The following PTP4A1 variants were observed in gnomAD, a reference collection of about 807,000 sequenced individuals.
The protein encoded by PTP4A1 is protein tyrosine phosphatase 4A1, also known as protein tyrosine phosphatase type IVA 1.
In PTP4A1, 9 loss-of-function variants were observed where a neutral mutation model predicts 20.5. The ratio of observed to expected loss-of-function variants is 0.44; its 90% CI spans 0.26 to 0.77. The LOEUF (loss-of-function observed/expected upper bound fraction) is 0.77, where lower values mean the gene tolerates loss of function less well. PTP4A1 is among the 30% of genes least tolerant of loss of function. PTP4A1 has a pLI of 0.19. For synonymous variants in PTP4A1, 78 were observed against 67.4 expected (o/e 1.16, Z -0.77); for missense variants, 137 against 218.8 (o/e 0.63, Z 2.36).
chr6:63,516,620 C>T, the PTP4A1 span, among the ~76,000 whole-genome samples: 3 of 152,168 alleles, frequency 2.0e-5, no homozygotes, highest in Non-Finnish European at 2.9e-5. Context: ...TCTCTTAATA[C>T]TCATTCTTCT....
chr6:63,559,752 G>GA (rs200540179), intron 3 of PTP4A1, among the ~76,000 whole-genome samples: 327 of 147,428 alleles, frequency 2.2e-3, no homozygotes, highest in Middle Eastern at 0.01. Flanking sequence ...CTCAAAAGAG[G>GA]AAAAAAAAAA....
At chr6:63,568,823 A>G (rs185841010), upstream of PTP4A1, among the ~76,000 whole-genome samples, 350 of 152,328 alleles carry the variant, frequency 2.3e-3, no homozygotes, top group Non-Finnish European at 3.3e-3. Context: ...CAGCCATGGC[A>G]TACTTGAATT....
intron 3 of PTP4A1, among the ~76,000 whole-genome samples, chr6:63,558,166 G>A (rs559766732): frequency 3.3e-4 from 50 of 152,158 alleles, no homozygotes; most frequent in Middle Eastern, 3.4e-3. Context: ...CACCGTGCCC[G>A]GCCACATATG....
chr6:63,525,462 C>G (rs754639136), intron 1 of PTP4A1, among the ~76,000 whole-genome samples: 4 of 152,222 alleles, frequency 2.6e-5, no homozygotes, highest in African/African-American at 9.6e-5. Flanking sequence ...TTCACGCCAG[C>G]AGTTCTAGCT....
At chr6:63,554,602 A>G (rs1034908445) in intron 3 of PTP4A1, among the ~76,000 whole-genome samples, 1 of 152,220 alleles carries the variant, frequency 6.6e-6, no homozygotes, top group Non-Finnish European at 1.5e-5. Context: ...GTTCAAGACC[A>G]GCCTGGCCAA....
At chr6:63,544,744 C>T (rs532110472) in intron 2 of PTP4A1, among the ~76,000 whole-genome samples, 4 of 152,224 alleles carry the variant, frequency 2.6e-5, no homozygotes, top group Non-Finnish European at 4.4e-5. Context: ...TCAGGATACA[C>T]GTTTGGCAGG....
intron 3 of PTP4A1, among the ~76,000 whole-genome samples, chr6:63,555,910 C>T (rs1403640266): frequency 1.3e-5 from 2 of 151,788 alleles, no homozygotes; most frequent in African/African-American, 2.4e-5. Flanking sequence ...GCCAGGCTGG[C>T]GAACTCCTGG....
At chr6:63,517,168 A>G (rs537806905), upstream of PTP4A1, among the ~76,000 whole-genome samples, 50 of 152,300 alleles carry the variant, frequency 3.3e-4, no homozygotes, top group South Asian at 1.2e-3. Context: ...TTAAACAAGG[A>G]TAATATTATG....
intron 1 of PTP4A1, among the ~76,000 whole-genome samples, chr6:63,573,002 C>T (rs891836098): frequency 1.4e-4 from 22 of 152,108 alleles, no homozygotes; most frequent in Non-Finnish European, 3.1e-4. Context: ...ACGGGGGCGG[C>T]GCGGTCCGGC....
chr6:63,547,819 G>T (rs1443742912), intron 2 of PTP4A1, among the ~76,000 whole-genome samples: 1 of 151,922 alleles, frequency 6.6e-6, no homozygotes. Context: ...CCCAGGGGGG[G>T]ATTTGTTAAT....
Position 63,523,840 on chromosome 6 carries a change from G to A in PTP4A1, c.-906+2014G>A, listed in dbSNP as rs142534172. On this transcript the variant is annotated intron_variant, in intron 1 of 3. Coordinates refer to the PTP4A1 transcript ENST00000639568. ...AGAAGCCAAAAGATTGGACACCCCT[G>A]GCCTATAGCACTCTGTGTCTGAATT... Among the ~76,000 whole-genome samples, 71 of 152,066 alleles carry A rather than the reference G, an allele frequency of 4.7e-4. No individual in the cohort carries two copies. The Middle Eastern group carries it at 0.01, about 22-fold the overall frequency.
intron 3 of PTP4A1, among the ~76,000 whole-genome samples, chr6:63,561,044 A>G (rs772009096): frequency 3.3e-5 from 5 of 152,240 alleles, no homozygotes; most frequent in Non-Finnish European, 5.9e-5. Flanking sequence ...TTACAGGATC[A>G]GAACACGTAG....
At chr6:63,572,826 G>T in intron 1 of PTP4A1, 107 bp downstream of exon 1, 1 of 396,042 alleles carries the variant, frequency 2.5e-6, no homozygotes, top group South Asian at 1.3e-4. Flanking sequence ...AGGTTGCCCC[G>T]GGTTGCGGTT....
intron 2 of PTP4A1, among the ~76,000 whole-genome samples, chr6:63,541,198 C>T (rs771604294): frequency 2.0e-5 from 3 of 152,144 alleles, no homozygotes; most frequent in Non-Finnish European, 4.4e-5. Context: ...AGCAGGTTTT[C>T]TTCTTCCATT....
intron 2 of PTP4A1, among the ~76,000 whole-genome samples, chr6:63,530,589 G>A (rs1775410244): frequency 6.6e-6 from 1 of 152,100 alleles, no homozygotes; most frequent in South Asian, 2.1e-4. Context: ...GAACATGGAG[G>A]CCCTTCTGTG....
intron 2 of PTP4A1, among the ~76,000 whole-genome samples, chr6:63,537,251 C>T (rs1012314946): frequency 6.6e-6 from 1 of 152,100 alleles, no homozygotes; most frequent in Non-Finnish European, 1.5e-5. Context: ...CATCAACGTC[C>T]CCTGGGAATT....
intron 3 of PTP4A1, chr6:63,550,628 G>C (rs1163863608): frequency 6.6e-6 from 1 of 152,334 alleles, no homozygotes; most frequent in Non-Finnish European, 1.5e-5. Flanking sequence ...TGGTTGGTTG[G>C]TTGGTTTTTG....
At chr6:63,541,092 G>A (rs1775953238) in intron 2 of PTP4A1, among the ~76,000 whole-genome samples, 1 of 152,136 alleles carries the variant, frequency 6.6e-6, no homozygotes, top group Non-Finnish European at 1.5e-5. Context: ...AGAATGAATA[G>A]TGTGCCCTAA....
intron 1 of PTP4A1, among the ~76,000 whole-genome samples, chr6:63,573,895 G>A (rs1045252675): frequency 6.6e-6 from 1 of 152,140 alleles, no homozygotes; most frequent in African/African-American, 2.4e-5. Context: ...TTTAATCGGG[G>A]ACTGTTTAGA....
Sources: gnomAD v4.1 joint callset for allele counts (sites outside exome capture counted in the v4.1 genomes callset) on GRCh38, gnomAD v4.1.1 for gene constraint, MANE v1.5 for transcripts, NCBI Gene and HGNC (gene_info 2026-07-23, HGNC 2026-07-21) for gene names.